The following AFF3 variants were observed in gnomAD, a reference collection of about 807,000 sequenced individuals.
AFF3 encodes ALF transcription elongation factor 3, also known as AF4/FMR2 family member 3.
A neutral mutation model predicts 129.7 loss-of-function variants in AFF3; 32 were observed. The observed-to-expected ratio is 0.25, with a 90% CI of 0.19 to 0.33. AFF3 has a LOEUF of 0.33. Among genes scored for constraint, AFF3 ranks in the 10% least tolerant of loss-of-function variants. The probability of loss-of-function intolerance (pLI) is 1.00; values close to 1 mark genes in which losing one functional copy is unlikely to be tolerated. For missense variants in AFF3, 1,373 were observed against 1,592.0 expected (o/e 0.86, Z 2.34); for synonymous variants, 644 against 635.4 (o/e 1.01, Z -0.20).
In AFF3 at chr2:99,572,346, G is replaced by C. The variant is rs868313402; in HGVS notation, c.2919-3431C>G. The stretch of plus-strand genomic sequence containing the variant: ...GGTCTTGGTTCTCAGCAGCATCAGG[G>C]TTTGAGCTACCCCCATATTTCTTCT... On this transcript the variant is annotated intron_variant, in intron 18 of 24. Transcript: ENST00000672756. 5.3e-5 allele frequency among the ~76,000 whole-genome samples: 7 copies of C among 131,010 alleles called. No homozygotes were observed. The Middle Eastern group carries it at 0.015, about 273-fold the overall frequency. 85.9% of individuals were successfully genotyped at this position (131,010 alleles called of 152,430 possible).
chr2:99,800,933 G>A (rs1167497540), intron 8 of AFF3, among the ~76,000 whole-genome samples: 1 of 152,130 alleles, frequency 6.6e-6, no homozygotes, highest in African/African-American at 2.4e-5. Flanking sequence ...TGGGGTGTGT[G>A]GAGAAGGGTA....
At chr2:99,978,768 C>T (rs1461931436) in intron 7 of AFF3, among the ~76,000 whole-genome samples, 1 of 152,192 alleles carries the variant, frequency 6.6e-6, no homozygotes, top group African/African-American at 2.4e-5. Context: ...AGAGAACTGC[C>T]TTACCCTCCC....
At chr2:100,091,274 A>G (rs1689836445) in intron 4 of AFF3, among the ~76,000 whole-genome samples, 1 of 152,212 alleles carries the variant, frequency 6.6e-6, no homozygotes, top group African/African-American at 2.4e-5. Flanking sequence ...GACACTTCTT[A>G]TGTGTAAGAA....
At chr2:100,126,161 C>T (rs946297396) in intron 2 of AFF3, among the ~76,000 whole-genome samples, 2 of 152,080 alleles carry the variant, frequency 1.3e-5, no homozygotes, top group African/African-American at 2.4e-5. Context: ...CTGGGAATGC[C>T]GGGGAAATGG....
intron 11 of AFF3, among the ~76,000 whole-genome samples, chr2:99,712,332 G>A (rs1374856517): frequency 6.6e-6 from 1 of 152,226 alleles, no homozygotes; most frequent in East Asian, 1.9e-4. Context: ...CACTGGCTGA[G>A]CTCTTTCAGC....
chr2:99,969,497 T>G (rs1433259757), intron 7 of AFF3, among the ~76,000 whole-genome samples: 2 of 152,096 alleles, frequency 1.3e-5, no homozygotes, highest in Non-Finnish European at 2.9e-5. Context: ...ATTTATTTAT[T>G]TATTTTTTGA....
At chr2:99,609,025 T>C (rs1680653144) in intron 13 of AFF3, among the ~76,000 whole-genome samples, 1 of 152,086 alleles carries the variant, frequency 6.6e-6, no homozygotes, top group South Asian at 2.1e-4. Context: ...CTCAGGAATT[T>C]AGACTAGCAG....
In AFF3 at chr2:99,582,500, C is replaced by A. The variant is rs116517263; in HGVS notation, c.2793+298G>T. On this transcript the variant is annotated intron_variant, in intron 17 of 24. Coordinates refer to ENST00000672756, the MANE Select transcript of AFF3 (RefSeq NM_001386135.1). ...ACAGAAAGATTGGTTGGTTCAAACTCCTAATTTACTTTGTCCCGGGATGGT... is the reference window on the plus strand; with the variant it reads ...ACAGAAAGATTGGTTGGTTCAAACTACTAATTTACTTTGTCCCGGGATGGT... 7.4e-3 allele frequency among the ~76,000 whole-genome samples: 1,121 copies of A among 152,306 alleles called. 9 individuals carry two copies. The highest frequency in any genetic ancestry group is 0.025 in the African/African-American group (1,056 of 41,550).
At position 99,560,321 on chromosome 2, in the gene AFF3, A is replaced by G. The variant is rs1401526192; in HGVS notation, c.3191+44T>C. 3.8e-6 allele frequency: 6 copies of G among 1,598,610 alleles called. No individual in the cohort carries two copies. In the African/African-American group the frequency reaches 8.1e-5, roughly 21 times the overall value. The stretch of plus-strand genomic sequence containing the variant: ...CAGCACCTGGTTTGCCAATGATGGC[A>G]TGCGAGGCTGGGGCTGCTATTCTAA... On this transcript the variant is annotated intron_variant, in intron 21 of 24. Transcript: ENST00000672756.
chr2:99,656,147 G>A (rs4851220), intron 12 of AFF3, among the ~76,000 whole-genome samples: 127,144 of 151,802 alleles, frequency 0.84, 53,295 homozygotes, highest in East Asian at 0.92. Context: ...CTAGCTGGAT[G>A]CATGCGACTG....
chr2:100,066,800 C>T (rs537065562), intron 4 of AFF3, among the ~76,000 whole-genome samples: 6 of 152,256 alleles, frequency 3.9e-5, no homozygotes, highest in South Asian at 2.1e-4. Flanking sequence ...AAAGGAGAAC[C>T]GAACAATGCT....
intron 13 of AFF3, among the ~76,000 whole-genome samples, chr2:99,610,036 G>A (rs1333606627): frequency 1.3e-5 from 2 of 152,116 alleles, no homozygotes; most frequent in Admixed American, 1.3e-4. Flanking sequence ...TCTGGACAAC[G>A]AGTTCCATCA....
chr2:99,925,483 G>A (rs1455832434), intron 7 of AFF3, among the ~76,000 whole-genome samples: 4 of 152,152 alleles, frequency 2.6e-5, no homozygotes, highest in Non-Finnish European at 4.4e-5. Flanking sequence ...ACATATTAAA[G>A]TCTTTGTACT....
chr2:99,640,356 G>T (rs1684076661), intron 13 of AFF3, among the ~76,000 whole-genome samples: 1 of 151,974 alleles, frequency 6.6e-6, no homozygotes, highest in African/African-American at 2.4e-5. Context: ...TTTCTTGGTG[G>T]TGCGATGAGG....
At chr2:99,914,889 C>T (rs369828590) in intron 7 of AFF3, among the ~76,000 whole-genome samples, 3 of 151,460 alleles carry the variant, frequency 2.0e-5, no homozygotes, top group Non-Finnish European at 2.9e-5. Flanking sequence ...GGTGACAGGG[C>T]GAGACTCCAT....
chr2:99,885,083 A>G lies in AFF3; in HGVS notation c.874-47559T>C, dbSNP rs560000681. Among the ~76,000 whole-genome samples, 6 of 152,240 alleles carry G rather than the reference A, an allele frequency of 3.9e-5. No homozygotes were observed. In the East Asian group the frequency reaches 7.7e-4, roughly 20 times the overall value. On this transcript the variant is annotated intron_variant, in intron 7 of 24. Coordinates refer to ENST00000672756, the MANE Select transcript of AFF3 (RefSeq NM_001386135.1). The stretch of plus-strand genomic sequence containing the variant: ...ACTCACCAGCCGTTAATAGCCCCTC[A>G]TCACCTAGAGGATAAATCTATAGTC...
At chr2:99,794,439 T>A (rs4337525) in intron 8 of AFF3, among the ~76,000 whole-genome samples, 1 of 152,222 alleles carries the variant, frequency 6.6e-6, no homozygotes, top group Non-Finnish European at 1.5e-5. Context: ...TCTGGGTTGT[T>A]AACAGGGTCT....
chr2:99,942,015 T>C (rs1385595614), intron 7 of AFF3, among the ~76,000 whole-genome samples: 1 of 152,126 alleles, frequency 6.6e-6, no homozygotes, highest in Non-Finnish European at 1.5e-5. Context: ...AGATACAACA[T>C]ATATATAAGT....
At chr2:100,064,553 GAAGA>G (rs1351651386) in intron 4 of AFF3, among the ~76,000 whole-genome samples, 1 of 152,182 alleles carries the variant, frequency 6.6e-6, no homozygotes, top group African/African-American at 2.4e-5. Context: ...TCCAATGTAG[GAAGA>G]AAGAGAGACA....
Sources: allele counts gnomAD v4.1 joint callset (sites outside exome capture counted in the v4.1 genomes callset), GRCh38; gene constraint gnomAD v4.1.1; transcripts MANE v1.5; gene names NCBI Gene and HGNC (gene_info 2026-07-23, HGNC 2026-07-21).